EGFLAM: variants seen among roughly 807,000 people sequenced by gnomAD.
EGFLAM encodes the protein pikachurin.
Under a neutral mutation model 113.1 loss-of-function variants are expected in EGFLAM, and 79 were observed. The ratio of observed to expected loss-of-function variants is 0.70; its 90% CI spans 0.58 to 0.84. The LOEUF (loss-of-function observed/expected upper bound fraction) is 0.84, where lower values mean the gene tolerates loss of function less well. Ranked by LOEUF, EGFLAM falls within the 40% of genes least tolerant of loss-of-function variation. The pLI is 0.00. For missense variants in EGFLAM, 1,265 were observed against 1,291.6 expected, an observed-to-expected ratio of 0.98 and a Z score of 0.32; for synonymous variants, 504 against 487.6, an observed-to-expected ratio of 1.03 and a Z score of -0.44.
chr5:38,352,364 G>T, intron 5 of EGFLAM, 33 bp downstream of exon 5: 1 of 1,611,460 alleles, frequency 6.2e-7, no homozygotes, highest in Non-Finnish European at 8.5e-7. Flanking sequence ...AAAGCCAAAT[G>T]TGTGCTGGGC....
chr5:38,357,968 T>G (rs1458490437), intron 5 of EGFLAM, among the ~76,000 whole-genome samples: 1 of 27,890 alleles, frequency 3.6e-5, no homozygotes, highest in Non-Finnish European at 9.2e-5. Context: ...GTTAAGTGAA[T>G]TTTTTTTTTT....
chr5:38,285,015 T>C (rs1416568469), intron 1 of EGFLAM, among the ~76,000 whole-genome samples: 3 of 152,232 alleles, frequency 2.0e-5, no homozygotes, highest in African/African-American at 7.2e-5. Flanking sequence ...GAGCAACTAT[T>C]TTCATATAAT....
chr5:38,452,862 A>G (rs937446561), intron 19 of EGFLAM, among the ~76,000 whole-genome samples: 3 of 152,220 alleles, frequency 2.0e-5, no homozygotes, highest in Admixed American at 2.0e-4. Context: ...ATGCATAGCT[A>G]TGAAGTGGTT....
At chr5:38,457,667 G>A (rs1743133978) in intron 19 of EGFLAM, among the ~76,000 whole-genome samples, 1 of 152,194 alleles carries the variant, frequency 6.6e-6, no homozygotes, top group Admixed American at 6.5e-5. Flanking sequence ...GCTCTGGGTA[G>A]ACATGAATTT....
chr5:38,348,033 T>A (rs1739518562), intron 3 of EGFLAM, among the ~76,000 whole-genome samples: 1 of 150,862 alleles, frequency 6.6e-6, no homozygotes, highest in Non-Finnish European at 1.5e-5. Flanking sequence ...GCATCAAGAA[T>A]TCTGGCCTTG....
intron 3 of EGFLAM, among the ~76,000 whole-genome samples, chr5:38,346,793 A>G (rs1739482589): frequency 6.6e-6 from 1 of 152,168 alleles, no homozygotes; most frequent in Non-Finnish European, 1.5e-5. Flanking sequence ...AGAGGGTTGG[A>G]TCCACCTGTT....
intron 5 of EGFLAM, among the ~76,000 whole-genome samples, chr5:38,367,631 A>G (rs1466930346): frequency 6.6e-6 from 1 of 152,150 alleles, no homozygotes; most frequent in African/African-American, 2.4e-5. Flanking sequence ...ATTGTTGAAT[A>G]CATTGCCAAG....
intron 17 of EGFLAM, among the ~76,000 whole-genome samples, chr5:38,439,865 G>A (rs1291459428): frequency 6.6e-6 from 1 of 152,098 alleles, no homozygotes; most frequent in Non-Finnish European, 1.5e-5. Flanking sequence ...TTTACCACAG[G>A]AGCATCCAAT....
At chr5:38,404,221 G>T (rs1472266134) in intron 6 of EGFLAM, among the ~76,000 whole-genome samples, 1 of 152,098 alleles carries the variant, frequency 6.6e-6, no homozygotes, top group Non-Finnish European at 1.5e-5. Context: ...TGCTATGGTC[G>T]GAATGTTTAT....
At chr5:38,458,255 G>T (rs1313668394) in intron 19 of EGFLAM, 56 bp from the exon 20 acceptor site, 32 of 1,537,334 alleles carry the variant, frequency 2.1e-5, no homozygotes, top group Middle Eastern at 1.7e-4. Flanking sequence ...AACCGTGTCT[G>T]CTTATGCCTC....
rs1296684891 is a variant in EGFLAM at position 38,358,671 on chromosome 5, A to G, written c.545+6340A>G. Among the ~76,000 whole-genome samples the G allele has an allele frequency of 2.6e-5, 4 of 152,144 alleles. No homozygotes were observed. In the East Asian group the frequency reaches 7.7e-4, roughly 29 times the overall value. ...GTGTGAGCACTCTGAAGGCGCTCTC[A>G]GTAACTGCATCAGAGAAGAGCTTGG... On this transcript the variant is annotated intron_variant, in intron 5 of 21. Coordinates refer to ENST00000322350, the MANE Select transcript of EGFLAM (RefSeq NM_152403.4).
chr5:38,295,137 C>G (rs1758423608), intron 1 of EGFLAM, among the ~76,000 whole-genome samples: 1 of 152,156 alleles, frequency 6.6e-6, no homozygotes, highest in African/African-American at 2.4e-5. Flanking sequence ...GCAACTCATT[C>G]TTAAACTTTG....
chr5:38,458,992 C>A (rs1445394252), intron 20 of EGFLAM, among the ~76,000 whole-genome samples: 1 of 151,406 alleles, frequency 6.6e-6, no homozygotes, highest in East Asian at 1.9e-4. Flanking sequence ...AAAAGACTTT[C>A]AAATCTCATT....
chr5:38,378,785 G>T (rs572914086), intron 6 of EGFLAM, among the ~76,000 whole-genome samples: 68 of 152,316 alleles, frequency 4.5e-4, no homozygotes, highest in African/African-American at 1.6e-3. Context: ...AAGACACTTA[G>T]TATCTCTGGG....
chr5:38,394,871 C>T (rs1269248050), intron 6 of EGFLAM, among the ~76,000 whole-genome samples: 1 of 152,114 alleles, frequency 6.6e-6, no homozygotes, highest in Non-Finnish European at 1.5e-5. Context: ...TAAACTGTCT[C>T]AGGCTTTATG....
At chr5:38,380,699 A>G (rs959003407) in intron 6 of EGFLAM, among the ~76,000 whole-genome samples, 2 of 152,232 alleles carry the variant, frequency 1.3e-5, no homozygotes, top group Admixed American at 6.5e-5. Context: ...CAATCGCTCT[A>G]TTGATTTGCT....
intron 6 of EGFLAM, among the ~76,000 whole-genome samples, chr5:38,395,749 C>G (rs561335830): frequency 6.6e-6 from 1 of 152,306 alleles, no homozygotes; most frequent in South Asian, 2.1e-4. Context: ...TACATCTGCT[C>G]TCTTTGCCAT....
At chr5:38,329,038 C>T (rs1738967544) in intron 1 of EGFLAM, among the ~76,000 whole-genome samples, 1 of 152,072 alleles carries the variant, frequency 6.6e-6, no homozygotes, top group African/African-American at 2.4e-5. Flanking sequence ...CGTAATCCCA[C>T]ACTTTTAGGG....
At chr5:38,388,487 G>A (rs1475568251) in intron 6 of EGFLAM, among the ~76,000 whole-genome samples, 1 of 152,086 alleles carries the variant, frequency 6.6e-6, no homozygotes. Context: ...GCTGGTGCCT[G>A]TAATCCTACA....
Sources: allele counts gnomAD v4.1 joint callset (sites outside exome capture counted in the v4.1 genomes callset), GRCh38; gene constraint gnomAD v4.1.1; transcripts MANE v1.5; gene names NCBI Gene and HGNC (gene_info 2026-07-23, HGNC 2026-07-21).